The following MGAT4C variants were observed in gnomAD, a reference collection of about 807,000 sequenced individuals.
MGAT4C encodes alpha-1,3-mannosyl-glycoprotein 4-beta-N-acetylglucosaminyltransferase C.
MGAT4C carries 19 observed loss-of-function variants against 40.1 expected under a neutral mutation model. The ratio of observed to expected loss-of-function variants is 0.47; its 90% CI spans 0.33 to 0.70. The LOEUF is 0.70. MGAT4C is among the 30% of genes least tolerant of loss of function. The pLI, the probability that MGAT4C is intolerant of heterozygous loss-of-function variation, is 0.02. For missense variants in MGAT4C, 491 were observed against 563.2 expected (o/e 0.87, Z 1.30); for synonymous variants, 181 against 187.1 (o/e 0.97, Z 0.27).
intron 2 of MGAT4C, among the ~76,000 whole-genome samples, chr12:86,644,623 T>C (rs563707543): frequency 3.3e-5 from 5 of 151,866 alleles, no homozygotes; most frequent in South Asian, 4.1e-4. Context: ...CCTGTATGTA[T>C]ACAAGAAGCT....
intron 1 of MGAT4C, among the ~76,000 whole-genome samples, chr12:86,100,522 T>C (rs1592937783): frequency 6.6e-6 from 1 of 151,412 alleles, no homozygotes. Context: ...CACCATTCCA[T>C]GTTGAGATCA....
chr12:86,153,400 AT>A (rs1307021726), intron 1 of MGAT4C, among the ~76,000 whole-genome samples: 2 of 152,250 alleles, frequency 1.3e-5, no homozygotes, highest in Admixed American at 6.5e-5. Flanking sequence ...TAGACATAGC[AT>A]TGAATCCTTT....
At chr12:86,784,850 T>C (rs1188847141) in intron 1 of MGAT4C, among the ~76,000 whole-genome samples, 1 of 151,878 alleles carries the variant, frequency 6.6e-6, no homozygotes, top group African/African-American at 2.4e-5. Flanking sequence ...AAGGAAAATA[T>C]CAAATGCAGT....
chr12:86,610,932 T>C (rs1565882310), intron 2 of MGAT4C, among the ~76,000 whole-genome samples: 1 of 151,986 alleles, frequency 6.6e-6, no homozygotes, highest in Non-Finnish European at 1.5e-5. Flanking sequence ...TAAGAAAACC[T>C]TGGAAATTCA....
At chr12:86,033,209 C>T (rs1430043014) in intron 2 of MGAT4C, among the ~76,000 whole-genome samples, 1 of 149,664 alleles carries the variant, frequency 6.7e-6, no homozygotes, top group African/African-American at 2.4e-5. Context: ...ATGCCTCCAT[C>T]TTTGTTCTTT....
chr12:86,629,314 A>G (rs1384584118), intron 2 of MGAT4C, among the ~76,000 whole-genome samples: 2 of 152,168 alleles, frequency 1.3e-5, no homozygotes, highest in Non-Finnish European at 2.9e-5. Flanking sequence ...GGAGAATTTA[A>G]CACCCCACTG....
intron 2 of MGAT4C, among the ~76,000 whole-genome samples, chr12:85,992,557 G>A (rs1379552518): frequency 6.6e-6 from 1 of 152,180 alleles, no homozygotes; most frequent in Non-Finnish European, 1.5e-5. Flanking sequence ...AGATGTTGTT[G>A]CAAACTAGAG....
chr12:86,181,283 G>GA (rs1022482405), intron 1 of MGAT4C, among the ~76,000 whole-genome samples: 1 of 151,678 alleles, frequency 6.6e-6, no homozygotes, highest in African/African-American at 2.4e-5. Flanking sequence ...TTAGCAGCAT[G>GA]AAAAAAAACT....
chr12:86,611,370 C>A (rs920803880), intron 2 of MGAT4C, among the ~76,000 whole-genome samples: 4 of 151,392 alleles, frequency 2.6e-5, no homozygotes, highest in African/African-American at 9.7e-5. Context: ...GACAGACAAA[C>A]AGATAGAGGT....
intron 2 of MGAT4C, among the ~76,000 whole-genome samples, chr12:86,573,897 TC>T (rs1307658890): frequency 2.6e-5 from 4 of 151,974 alleles, no homozygotes; most frequent in Admixed American, 2.6e-4. Context: ...AAGATACATT[TC>T]CTTGAATCTG....
At chr12:86,655,848 A>C (rs555427597) in intron 2 of MGAT4C, among the ~76,000 whole-genome samples, 1 of 152,208 alleles carries the variant, frequency 6.6e-6, no homozygotes, top group African/African-American at 2.4e-5. Context: ...TACTTGAATT[A>C]AAAAGTTTTA....
At chr12:86,223,569 C>A (rs1269251227) in intron 1 of MGAT4C, among the ~76,000 whole-genome samples, 1 of 152,162 alleles carries the variant, frequency 6.6e-6, no homozygotes, top group Non-Finnish European at 1.5e-5. Context: ...GGTGTACCCA[C>A]ACCTGATTAC....
intron 1 of MGAT4C, among the ~76,000 whole-genome samples, chr12:86,229,776 G>A (rs975749445): frequency 2.0e-5 from 3 of 151,952 alleles, no homozygotes; most frequent in Non-Finnish European, 4.4e-5. Context: ...ATGTGATGAC[G>A]AAGAACTTGG....
intron 4 of MGAT4C, among the ~76,000 whole-genome samples, chr12:86,288,798 A>T (rs1369890982): frequency 1.3e-5 from 2 of 152,102 alleles, no homozygotes; most frequent in East Asian, 3.9e-4. Context: ...CTCCTTAGAG[A>T]TTCCAGATAT....
intron 1 of MGAT4C, among the ~76,000 whole-genome samples, chr12:86,758,024 C>A (rs1951335811): frequency 6.6e-6 from 1 of 152,108 alleles, no homozygotes; most frequent in Admixed American, 6.6e-5. Flanking sequence ...TCTCTAATAG[C>A]TTCTTTTCAA....
chr12:86,410,970 G>A (rs1956591557), intron 3 of MGAT4C, among the ~76,000 whole-genome samples: 1 of 152,126 alleles, frequency 6.6e-6, no homozygotes, highest in South Asian at 2.1e-4. Context: ...GGCCATGTAA[G>A]ATGTGTCAGC....
At chr12:86,007,244 C>G (rs1887977173) in intron 2 of MGAT4C, among the ~76,000 whole-genome samples, 1 of 152,046 alleles carries the variant, frequency 6.6e-6, no homozygotes, top group Admixed American at 6.6e-5. Flanking sequence ...CAGCACAATA[C>G]CAATAGTGAA....
chr12:86,493,653 G>T (rs1029036681), intron 2 of MGAT4C, among the ~76,000 whole-genome samples: 6 of 151,682 alleles, frequency 4.0e-5, no homozygotes, highest in African/African-American at 9.7e-5. Context: ...GTCGTGGGGT[G>T]GGGGGACGGG....
intron 2 of MGAT4C, among the ~76,000 whole-genome samples, chr12:86,441,343 T>TTATTATTA (rs1565764809): frequency 9.3e-5 from 14 of 150,076 alleles, no homozygotes; most frequent in African/African-American, 3.4e-4. Flanking sequence ...TATTATTATT[T>TTATTATTA]TTATTATTAT....
Sources: allele counts gnomAD v4.1 joint callset (sites outside exome capture counted in the v4.1 genomes callset), GRCh38; gene constraint gnomAD v4.1.1; transcripts MANE v1.5; gene names NCBI Gene and HGNC (gene_info 2026-07-23, HGNC 2026-07-21).